The following ANO4 variants were observed in gnomAD, a reference collection of about 807,000 sequenced individuals.
ANO4 encodes the protein anoctamin 4.
ANO4 carries 69 observed loss-of-function variants against 141.9 expected under a neutral mutation model. That is an observed-to-expected ratio of 0.49 (90% CI 0.40 to 0.59). The LOEUF (loss-of-function observed/expected upper bound fraction) is 0.59. Ranked by LOEUF, ANO4 falls within the 20% of genes least tolerant of loss-of-function variation. The pLI, the probability that ANO4 is intolerant of heterozygous loss-of-function variation, is 0.00. For synonymous variants in ANO4, 350 were observed against 394.3 expected (o/e 0.89, Z 1.33); for missense variants, 894 against 1,162.2 (o/e 0.77, Z 3.36).
intron 14 of ANO4, among the ~76,000 whole-genome samples, chr12:101,063,778 T>TTTTTTA (rs2048456888): frequency 7.9e-6 from 1 of 126,426 alleles, no homozygotes; most frequent in Non-Finnish European, 1.6e-5. Flanking sequence ...TTTTTTTTTT[T>TTTTTTA]GCCTTTGAAA....
chr12:100,847,629 G>A (rs899678660), intron 1 of ANO4, among the ~76,000 whole-genome samples: 5 of 152,040 alleles, frequency 3.3e-5, no homozygotes, highest in African/African-American at 4.8e-5. Flanking sequence ...CCACCACCAC[G>A]CCTGGCTAAT....
chr12:100,806,100 G>A (rs1293733592), intron 1 of ANO4, among the ~76,000 whole-genome samples: 2 of 152,182 alleles, frequency 1.3e-5, no homozygotes, highest in Non-Finnish European at 2.9e-5. Context: ...TTCCTGGAGG[G>A]AATAGCCAGG....
Position 100,942,472 on chromosome 12 carries a change from G to T in ANO4, c.393G>T (p.Gln131His). ...YILVYRKSNPQTEKREVFERN... is the reference protein window; with the variant it reads ...YILVYRKSNPHTEKREVFERN... ...TTGTGTACAGAAAATCCAACCCCCA[G>T]ACTGAAAAGAGAGAAGTATTTGAAA... Residue 131 changes from glutamine to histidine, a missense_variant, in exon 5 of 28, where the codon CAG (glutamine) becomes CAT (histidine). This residue lies in a region of ANO4 where 257 missense variants were observed against 253.0 expected (regional missense o/e 1.02). Transcript: ENST00000392977. 1 of 1,614,000 alleles carries T rather than the reference G, an allele frequency of 6.2e-7. No homozygotes were observed. The highest frequency in any genetic ancestry group is 1.3e-5 in the African/African-American group (1 of 75,014).
At chr12:101,003,754 T>C (rs892559492) in intron 8 of ANO4, among the ~76,000 whole-genome samples, 1 of 152,198 alleles carries the variant, frequency 6.6e-6, no homozygotes, top group Non-Finnish European at 1.5e-5. Context: ...ATGTATTGTA[T>C]ATTTCAAAAT....
intron 5 of ANO4, among the ~76,000 whole-genome samples, chr12:100,943,428 C>T (rs774385626): frequency 4.6e-5 from 7 of 152,218 alleles, no homozygotes; most frequent in African/African-American, 9.6e-5. Flanking sequence ...GTACAACCTG[C>T]GAGTTGTGCC....
intron 3 of ANO4, among the ~76,000 whole-genome samples, chr12:100,788,182 A>G (rs562684620): frequency 6.6e-6 from 1 of 152,268 alleles, no homozygotes; most frequent in South Asian, 2.1e-4. Context: ...GGAGGAAAGA[A>G]AAGTTGCCTA....
At chr12:100,908,603 T>A (rs571580395) in intron 2 of ANO4, among the ~76,000 whole-genome samples, 15 of 152,328 alleles carry the variant, frequency 9.8e-5, no homozygotes, top group Admixed American at 6.5e-4. Context: ...TTCTCTTTAT[T>A]TTTAGTGTAC....
intron 3 of ANO4, among the ~76,000 whole-genome samples, chr12:100,752,583 A>G (rs2032429665): frequency 6.6e-6 from 1 of 152,160 alleles, no homozygotes; most frequent in African/African-American, 2.4e-5. Flanking sequence ...TGGAAACCTT[A>G]TAGGGGTCAC....
intron 14 of ANO4, among the ~76,000 whole-genome samples, chr12:101,056,191 G>A (rs975709950): frequency 9.2e-5 from 14 of 152,134 alleles, no homozygotes; most frequent in South Asian, 2.1e-4. Flanking sequence ...ATTTTGATTG[G>A]GATTAAGTTG....
chr12:100,899,103 C>A (rs548115907), intron 1 of ANO4, among the ~76,000 whole-genome samples: 8 of 152,292 alleles, frequency 5.3e-5, no homozygotes, highest in African/African-American at 1.9e-4. Flanking sequence ...AAGGCTCATA[C>A]TTGCCTAGGC....
chr12:101,009,122 G>GGCCTTAGGT (rs2045981148), intron 8 of ANO4, among the ~76,000 whole-genome samples: 1 of 152,072 alleles, frequency 6.6e-6, no homozygotes, highest in Admixed American at 6.6e-5. Flanking sequence ...CTCAGAATGT[G>GGCCTTAGGT]GCCTTAGGTG....
At chr12:100,724,241 C>T (rs4764749) in intron 1 of ANO4, among the ~76,000 whole-genome samples, 10,504 of 152,152 alleles carry the variant, frequency 0.069, 483 homozygotes, top group Admixed American at 0.15. Context: ...ATCAAAGGGA[C>T]GCCGGGATAA....
intron 3 of ANO4, among the ~76,000 whole-genome samples, chr12:100,932,254 G>A (rs1466686176): frequency 6.6e-6 from 1 of 151,818 alleles, no homozygotes; most frequent in East Asian, 1.9e-4. Context: ...TTATTTTGCT[G>A]CATTTGGAAA....
chr12:100,955,768 A>G (rs775921570), intron 5 of ANO4, among the ~76,000 whole-genome samples: 2 of 152,178 alleles, frequency 1.3e-5, no homozygotes, highest in Non-Finnish European at 2.9e-5. Context: ...CAGGAAGGTT[A>G]AGAGAGGTGA....
intron 8 of ANO4, among the ~76,000 whole-genome samples, chr12:100,995,513 T>C (rs1411720040): frequency 2.0e-5 from 3 of 152,236 alleles, no homozygotes; most frequent in Non-Finnish European, 4.4e-5. Context: ...ACTGCAGTCA[T>C]CCGTGTGAAG....
intron 3 of ANO4, among the ~76,000 whole-genome samples, chr12:100,752,257 T>G (rs183630589): frequency 1.3e-5 from 2 of 152,318 alleles, no homozygotes; most frequent in African/African-American, 4.8e-5. Context: ...AGTTACCTTC[T>G]TTTAGCCTAT....
chr12:100,977,448 G>A (rs1352913945), intron 7 of ANO4, among the ~76,000 whole-genome samples: 3 of 152,098 alleles, frequency 2.0e-5, no homozygotes, highest in Non-Finnish European at 2.9e-5. Flanking sequence ...ATACTTGGGA[G>A]TCTGAGGCAG....
intron 5 of ANO4, among the ~76,000 whole-genome samples, chr12:100,959,953 A>G (rs1458407637): frequency 6.6e-6 from 1 of 152,088 alleles, no homozygotes; most frequent in Admixed American, 6.6e-5. Context: ...TGATCTCAGG[A>G]TGGCAGAAGT....
At chr12:100,791,698 C>T (rs1156578202), upstream of ANO4, among the ~76,000 whole-genome samples, 1 of 152,172 alleles carries the variant, frequency 6.6e-6, no homozygotes, top group Admixed American at 6.5e-5. Context: ...ATGTTCAAAT[C>T]AGTGTCTCCA....
Sources: allele counts gnomAD v4.1 joint callset (sites outside exome capture counted in the v4.1 genomes callset), GRCh38; gene constraint gnomAD v4.1.1; regional missense constraint gnomAD v4.1.1; transcripts MANE v1.5; gene names NCBI Gene and HGNC (gene_info 2026-07-23, HGNC 2026-07-21).